BMPR1B: variants seen among roughly 807,000 people sequenced by gnomAD.
The protein encoded by BMPR1B is bone morphogenetic protein receptor type 1B.
A neutral mutation model predicts 59.1 loss-of-function variants in BMPR1B; 12 were observed. That is an observed-to-expected ratio of 0.20 (90% CI 0.13 to 0.33). The LOEUF is 0.33. Ranked by LOEUF, BMPR1B falls within the 10% of genes least tolerant of loss-of-function variation. BMPR1B has a pLI of 1.00. For missense variants in BMPR1B, 550 were observed against 610.9 expected, an observed-to-expected ratio of 0.90 and a Z score of 1.05; for synonymous variants, 237 against 207.3, an observed-to-expected ratio of 1.14 and a Z score of -1.23.
intron 2 of BMPR1B, among the ~76,000 whole-genome samples, chr4:94,901,293 A>C (rs1053505413): frequency 1.3e-5 from 2 of 152,004 alleles, no homozygotes; most frequent in Non-Finnish European, 2.9e-5. Flanking sequence ...CTGTAAGGAT[A>C]AGCATTGTTT....
At chr4:95,044,300 T>C (rs538678198) in intron 3 of BMPR1B, among the ~76,000 whole-genome samples, 1 of 152,316 alleles carries the variant, frequency 6.6e-6, no homozygotes, top group East Asian at 1.9e-4. Context: ...ATTAAGTCTG[T>C]CTTGGACTCC....
intron 2 of BMPR1B, among the ~76,000 whole-genome samples, chr4:94,890,108 G>A (rs1727332222): frequency 6.6e-6 from 1 of 152,054 alleles, no homozygotes; most frequent in African/African-American, 2.4e-5. Context: ...ACTTTGCCAA[G>A]CCTACAGTTA....
intron 1 of BMPR1B, among the ~76,000 whole-genome samples, chr4:94,813,220 G>A (rs1436190347): frequency 6.6e-6 from 1 of 151,996 alleles, no homozygotes; most frequent in African/African-American, 2.4e-5. Flanking sequence ...TATATATAGC[G>A]GCAGGTGGTG....
chr4:94,785,478 A>G (rs913490150), intron 1 of BMPR1B, among the ~76,000 whole-genome samples: 6 of 152,318 alleles, frequency 3.9e-5, no homozygotes, highest in Middle Eastern at 3.4e-3. Context: ...TGCATAAGAT[A>G]TGGGTGAAAA....
intron 10 of BMPR1B, among the ~76,000 whole-genome samples, chr4:95,134,910 G>A (rs1431712427): frequency 6.6e-6 from 1 of 152,104 alleles, no homozygotes; most frequent in Admixed American, 6.5e-5. Context: ...CATTGCTTTT[G>A]GTGTTTTAGA....
In BMPR1B at chr4:94,852,240, G is replaced by A. The variant is rs17022350; in HGVS notation, c.-182-23591G>A. On this transcript the variant is annotated intron_variant, in intron 1 of 12. Coordinates refer to ENST00000515059, the MANE Select transcript of BMPR1B (RefSeq NM_001203.3). ...TGGCCAGCCTCCATTCTTCTTAGAT[G>A]TGTACAGGCCATATCCATTAAACAA... Among the ~76,000 whole-genome samples, 456 of 152,202 alleles carry A rather than the reference G, an allele frequency of 3.0e-3. 2 individuals are homozygous for A. The highest frequency in any genetic ancestry group is 0.01 in the African/African-American group (432 of 41,544).
At chr4:95,089,397 C>G (rs750578134) in intron 3 of BMPR1B, among the ~76,000 whole-genome samples, 1 of 151,786 alleles carries the variant, frequency 6.6e-6, no homozygotes, top group Non-Finnish European at 1.5e-5. Context: ...ACATTTTGAC[C>G]TTAGGGTAGA....
intron 9 of BMPR1B, among the ~76,000 whole-genome samples, chr4:95,130,557 C>G (rs1258034117): frequency 1.3e-5 from 2 of 151,908 alleles, no homozygotes; most frequent in African/African-American, 4.8e-5. Flanking sequence ...TTTGCAATGT[C>G]TTATGTGTAA....
chr4:95,156,797 A>G lies in BMPR1B; in HGVS notation c.*2124A>G, dbSNP rs1022589224. The stretch of plus-strand genomic sequence containing the variant: ...TTTCTCTTGTGTCAGTTATATTCTT[A>G]GGGATAGCCTAGAAGGAATATATGG... On this transcript the variant is annotated 3_prime_UTR_variant, in exon 13 of 13. Coordinates refer to ENST00000515059, the MANE Select transcript of BMPR1B (RefSeq NM_001203.3). 4 of 152,150 alleles carry G rather than the reference A, an allele frequency of 2.6e-5. No individual in the cohort carries two copies. Among genetic ancestry groups the G allele is most frequent in the Non-Finnish European group, 5.9e-5 (4 of 67,986 alleles). The allele number at this position is 152,150 out of a possible 1,614,324, so 9.4% of individuals were successfully genotyped here. A position where few individuals can be genotyped will look rare whatever the true frequency, so the allele number is the denominator to read the frequency against.
At chr4:95,058,282 C>T (rs910054584) in intron 3 of BMPR1B, among the ~76,000 whole-genome samples, 9 of 152,050 alleles carry the variant, frequency 5.9e-5, no homozygotes, top group African/African-American at 1.9e-4. Context: ...CTTCTGGAGT[C>T]CAGAGGAAAA....
chr4:94,999,174 C>T (rs1722270676), intron 3 of BMPR1B, among the ~76,000 whole-genome samples: 1 of 151,902 alleles, frequency 6.6e-6, no homozygotes, highest in African/African-American at 2.4e-5. Flanking sequence ...CTATTTATGG[C>T]CAGATTTTTA....
chr4:95,017,498 TAAAC>T (rs1723661628), intron 3 of BMPR1B, among the ~76,000 whole-genome samples: 1 of 152,244 alleles, frequency 6.6e-6, no homozygotes, highest in South Asian at 2.1e-4. Context: ...GTGTGTTTCT[TAAAC>T]ATTCAGTTCT....
At chr4:94,788,584 A>C (rs1159978291) in intron 1 of BMPR1B, among the ~76,000 whole-genome samples, 1 of 152,148 alleles carries the variant, frequency 6.6e-6, no homozygotes, top group East Asian at 1.9e-4. Context: ...GGGAGATGAC[A>C]AACACAGATT....
intron 3 of BMPR1B, among the ~76,000 whole-genome samples, chr4:95,049,784 C>T (rs2149185942): frequency 1.3e-5 from 2 of 151,878 alleles, no homozygotes; most frequent in Middle Eastern, 6.8e-3. Context: ...GGGGCCACTT[C>T]ATCTTAAAAT....
At chr4:94,843,495 A>G (rs754658194) in intron 1 of BMPR1B, among the ~76,000 whole-genome samples, 1 of 152,138 alleles carries the variant, frequency 6.6e-6, no homozygotes, top group African/African-American at 2.4e-5. Flanking sequence ...ATGAATGGTA[A>G]TGGTTCCATT....
intron 2 of BMPR1B, among the ~76,000 whole-genome samples, chr4:94,876,885 A>G (rs17500899): frequency 0.016 from 2,454 of 152,272 alleles, 28 homozygotes; most frequent in Middle Eastern, 0.027. Flanking sequence ...TTATAAATCT[A>G]CTCAGTAAAG....
intron 3 of BMPR1B, among the ~76,000 whole-genome samples, chr4:95,004,197 T>C (rs891561837): frequency 3.3e-5 from 5 of 152,206 alleles, no homozygotes; most frequent in Non-Finnish European, 5.9e-5. Flanking sequence ...ATTTTTGTTA[T>C]GCATTTGCCC....
At chr4:94,918,706 A>G (rs554205335) in intron 2 of BMPR1B, among the ~76,000 whole-genome samples, 30 of 152,110 alleles carry the variant, frequency 2.0e-4, no homozygotes, top group African/African-American at 5.5e-4. Flanking sequence ...TGAAGCTTCT[A>G]TCTTTAAACT....
At chr4:95,061,133 C>T (rs980058946) in intron 3 of BMPR1B, among the ~76,000 whole-genome samples, 4 of 149,690 alleles carry the variant, frequency 2.7e-5, no homozygotes, top group African/African-American at 9.9e-5. Flanking sequence ...TGTGTTCACT[C>T]AGGAATTTTT....
Sources: allele counts gnomAD v4.1 joint callset (sites outside exome capture counted in the v4.1 genomes callset), GRCh38; gene constraint gnomAD v4.1.1; transcripts MANE v1.5; gene names NCBI Gene and HGNC (gene_info 2026-07-23, HGNC 2026-07-21).